Variants in PLEKHG5 observed in about 807,000 individuals in gnomAD.
PLEKHG5 encodes the protein pleckstrin homology domain-containing family G member 5.
Under a neutral mutation model 103.8 loss-of-function variants are expected in PLEKHG5, and 52 were observed. The ratio of observed to expected loss-of-function variants is 0.50; its 90% CI spans 0.40 to 0.63. The LOEUF (loss-of-function observed/expected upper bound fraction) is 0.63, where lower values mean the gene tolerates loss of function less well. Ranked by LOEUF, PLEKHG5 falls within the 30% of genes least tolerant of loss-of-function variation. The probability of loss-of-function intolerance (pLI) is 0.00; values close to 1 mark genes in which losing one functional copy is unlikely to be tolerated. For missense variants in PLEKHG5, 1,205 were observed against 1,347.6 expected (o/e 0.89, Z 1.66); for synonymous variants, 592 against 575.5 (o/e 1.03, Z -0.41).
intron 1 of PLEKHG5, chr1:6,485,894 A>G: frequency 2.0e-6 from 2 of 985,572 alleles, no homozygotes; most frequent in Non-Finnish European, 2.4e-6. Flanking sequence ...CTCAACACCA[A>G]TGCCGGGCTC....
intron 9 of PLEKHG5, 99 bp from the exon 10 acceptor site, chr1:6,472,721 G>A: frequency 1.1e-6 from 1 of 870,782 alleles, no homozygotes. Flanking sequence ...TTTCCCAATG[G>A]GGACATGGAG....
rs1252229654 is a variant in PLEKHG5, at chr1:6,471,063, A to G, written c.1319T>C (p.Met440Thr). The G allele has an allele frequency of 6.3e-7, 1 of 1,599,892 alleles. No homozygotes were observed. The highest frequency in any genetic ancestry group is 1.7e-5 in the Admixed American group (1 of 58,678). Residue 440 changes from methionine (M) to threonine (T), a missense_variant, in exon 13 of 21, where the codon ATG (methionine) becomes ACG (threonine). Transcript: ENST00000377728. ...SLFKPYIRYC[M>T]EEEGCMEYMR... ...GTACTCCATGCAGCCCTCCTCCTCCATGCAGTAGCGGATGTAGGGCTTGAA... is the reference window on the plus strand; with the variant it reads ...GTACTCCATGCAGCCCTCCTCCTCCGTGCAGTAGCGGATGTAGGGCTTGAA...
At position 6,473,104 on chromosome 1, in the gene PLEKHG5, G is replaced by GCATGA; in HGVS notation, c.865_866insTCATG (p.Pro289LeufsTer28). Reference sequence around the variant, plus strand: ...GTCATGGTCGAAGCGCAGCCCCCGGGGCAGCCTGGGCAGCCCGAAGAGGCT... The same window carrying GCATGA: ...GTCATGGTCGAAGCGCAGCCCCCGGGCATGAGCAGCCTGGGCAGCCCGAAGAGGCT... On this transcript the variant is annotated frameshift_variant, in exon 9 of 21. Transcript: ENST00000377728. LOFTEE classifies it high-confidence loss of function. 6.2e-7 allele frequency: 1 copy of GCATGA among 1,613,904 alleles called. No homozygotes were observed. Among genetic ancestry groups the GCATGA allele is most frequent in the Non-Finnish European group, 8.5e-7 (1 of 1,179,896 alleles).
chr1:6,496,495 TG>T, upstream of PLEKHG5: 1 of 1,604,286 alleles, frequency 6.2e-7, no homozygotes, highest in Non-Finnish European at 8.5e-7. Flanking sequence ...CTCCCTACCT[TG>T]GCCGCCCGCC....
chr1:6,490,953 C>T lies in PLEKHG5; in HGVS notation c.-88+684G>A, dbSNP rs1208610702. On this transcript the variant is annotated intron_variant, in intron 1 of 20. Coordinates refer to ENST00000377728, the MANE Select transcript of PLEKHG5 (RefSeq NM_020631.6). This position sits in a 1 kb window ranked among gnomAD's most constrained non-coding sequence, Gnocchi z 8.0. ...GCGCGACAGAAAAGCCCCGGGGGAC[C>T]AGGCAGAGAGACCCGCAGGCCTAGC... 1.3e-5 allele frequency among the ~76,000 whole-genome samples: 2 copies of T among 152,156 alleles called. No individual in the cohort carries two copies. Among genetic ancestry groups the T allele is most frequent in the African/African-American group, 2.4e-5 (1 of 41,444 alleles).
At chr1:6,479,646 T>A (rs1276852256) in intron 1 of PLEKHG5, among the ~76,000 whole-genome samples, 1 of 151,974 alleles carries the variant, frequency 6.6e-6, no homozygotes, top group East Asian at 1.9e-4. Context: ...AGGGTCTCGC[T>A]CTGTAGCCCA....
At chr1:6,473,990 C>T in intron 7 of PLEKHG5, 23 bp downstream of exon 7, 1 of 1,551,610 alleles carries the variant, frequency 6.4e-7, no homozygotes, top group Non-Finnish European at 8.8e-7. Flanking sequence ...ACCCCCTCCC[C>T]TGACACACCC....
intron 1 of PLEKHG5, chr1:6,485,981 C>G (rs1645027915): frequency 1.2e-6 from 1 of 832,588 alleles, no homozygotes; most frequent in Non-Finnish European, 1.4e-6. Context: ...GGTGACACCC[C>G]CCCCCACCTT....
Position 6,469,659 on chromosome 1 carries a change from G to T in PLEKHG5, c.1818C>A (p.Phe606Leu), listed in dbSNP as rs149147021. The T allele has an allele frequency of 8.1e-6, 13 of 1,613,384 alleles. No homozygotes were observed. The highest frequency in any genetic ancestry group is 1.1e-5 in the Non-Finnish European group (13 of 1,179,994). Reference protein sequence around the residue: ...GKDSKMDVYCFLFTDLLLVTK... With the variant: ...GKDSKMDVYCLLFTDLLLVTK... ...TCACCAACAGCAGATCCGTGAAGAG[G>T]AAGCAGTACACATCCATCTGCAGTG... Residue 606 changes from phenylalanine (F) to leucine (L), a missense_variant, in exon 17 of 21, where the codon TTC (phenylalanine) becomes TTA (leucine). By Grantham distance (22) the Phe-to-Leu change is conservative (BLOSUM62 0). Transcript: ENST00000377728.
chr1:6,468,403 G>A lies in PLEKHG5; in HGVS notation c.2433C>T (p.Arg811=), dbSNP rs759272412. The A allele has an allele frequency of 3.4e-5, 54 of 1,611,408 alleles. 1 individual carries two copies. The Middle Eastern group carries it at 6.1e-3, about 181-fold the overall frequency. ...ELLPLGPVDG[R]SCSMDSAYGT... is the part of the protein sequence containing the mutation. ...CGTAGGCAGAGTCCATGGAGCAGGA[G>A]CGGCCGTCCACCGGACCCAGGGGCA... is the stretch of plus-strand genomic sequence containing the variant. The change falls in exon 20 of 21, where the codon CGC becomes CGT. Residue 811 remains arginine, a synonymous_variant. Transcript: ENST00000377728.
At position 6,490,636 on chromosome 1, in the gene PLEKHG5, G is replaced by C. The variant is rs1429483808; in HGVS notation, c.-88+1001C>G. On this transcript the variant is annotated intron_variant, in intron 1 of 20. Coordinates refer to ENST00000377728, the MANE Select transcript of PLEKHG5 (RefSeq NM_020631.6). The surrounding 1 kb of genome is among the most constrained non-coding windows in gnomAD (Gnocchi z 8.0). ...CCGCGCGGGCGCTACCACCTGGACCGGCCGGGATGTACCAACGGCGCCGCC... is the reference window on the plus strand; with the variant it reads ...CCGCGCGGGCGCTACCACCTGGACCCGCCGGGATGTACCAACGGCGCCGCC... 1 of 983,736 alleles carries C rather than the reference G, an allele frequency of 1.0e-6. No individual in the cohort carries two copies. The highest frequency in any genetic ancestry group is 1.2e-6 in the Non-Finnish European group (1 of 828,466). The allele number at this position is 983,736 out of a possible 1,614,324, so 60.9% of individuals were successfully genotyped here.
chr1:6,480,012 G>A (rs953476309), intron 1 of PLEKHG5, among the ~76,000 whole-genome samples: 1 of 152,202 alleles, frequency 6.6e-6, no homozygotes, highest in Admixed American at 6.5e-5. Context: ...TGAGCGTTCA[G>A]GCGGGGACAC....
At chr1:6,470,711 G>C (rs775056014) in intron 14 of PLEKHG5, 24 bp downstream of exon 14, 5 of 1,550,720 alleles carry the variant, frequency 3.2e-6, no homozygotes, top group Non-Finnish European at 4.3e-6. Context: ...AGGGGGGACG[G>C]CTCCCGCTGG....
At chr1:6,473,928 C>T in intron 7 of PLEKHG5, 85 bp downstream of exon 7, 1 of 1,335,452 alleles carries the variant, frequency 7.5e-7, no homozygotes, top group South Asian at 1.3e-5. Context: ...GTGAGAGACC[C>T]AGGGTGACTG....
chr1:6,517,470 C>T (rs1265656960), intron 1 of PLEKHG5, among the ~76,000 whole-genome samples: 2 of 152,068 alleles, frequency 1.3e-5, no homozygotes, highest in African/African-American at 2.4e-5. Context: ...ATAAGCAGGG[C>T]CAGGCTTATT....
Position 6,470,869 on chromosome 1 carries a change from G to T in PLEKHG5, c.1408C>A (p.Pro470Thr). 1 of 1,569,826 alleles carries T rather than the reference G, an allele frequency of 6.4e-7. No individual in the cohort carries two copies. The highest frequency in any genetic ancestry group is 8.6e-7 in the Non-Finnish European group (1 of 1,157,716). Reference protein sequence around the residue: ...RAYITWAEKHPQCQRLKLSDM... With the variant: ...RAYITWAEKHTQCQRLKLSDM... ...CTCAGCTTCAGCCTCTGGCACTGTG[G>T]GTGCTTCTCCGCCCACTGCGGTGGG... The change falls in exon 14 of 21, where the codon CCA becomes ACA. Residue 470 changes from proline to threonine, a missense_variant. Physicochemically the swap from Pro to Thr is conservative, Grantham distance 38. Coordinates refer to ENST00000377728, the MANE Select transcript of PLEKHG5 (RefSeq NM_020631.6).
chr1:6,505,117 C>T lies in PLEKHG5; in HGVS notation c.-164-8548G>A, dbSNP rs1012048230. On this transcript the variant is annotated intron_variant, in intron 1 of 21. Transcript: ENST00000377740. The surrounding 1 kb of genome is among the most constrained non-coding windows in gnomAD (Gnocchi z 4.2). ...GAGAAGAGAACCCAGGCCCAGGCCC[C>T]GGCCCCAGACAGTTCCACAGTGCTG... Among the ~76,000 whole-genome samples, 3 of 152,176 alleles carry T rather than the reference C, an allele frequency of 2.0e-5. No individual in the cohort carries two copies. Among genetic ancestry groups the T allele is most frequent in the South Asian group, 2.1e-4 (1 of 4,832 alleles).
intron 1 of PLEKHG5, chr1:6,485,367 T>G: frequency 7.0e-7 from 1 of 1,419,166 alleles, no homozygotes. Context: ...CCAGGAGGGC[T>G]CCGAGTCCCG....
intron 1 of PLEKHG5, among the ~76,000 whole-genome samples, chr1:6,479,380 C>T (rs994705596): frequency 6.0e-5 from 9 of 149,654 alleles, no homozygotes; most frequent in Non-Finnish European, 8.9e-5. Flanking sequence ...TCCGCCTCCT[C>T]GGTTCACACC....
Sources: gnomAD v4.1 joint callset for allele counts (sites outside exome capture counted in the v4.1 genomes callset) on GRCh38, gnomAD v4.1.1 for gene constraint, Gnocchi (gnomAD v3.1) non-coding constraint, MANE v1.5 for transcripts, NCBI Gene and HGNC (gene_info 2026-07-23, HGNC 2026-07-21) for gene names.